C14orf39: variants seen among roughly 807,000 people sequenced by gnomAD.
C14orf39 encodes the protein protein SIX6OS1.
In C14orf39, 66 loss-of-function variants were observed where a neutral mutation model predicts 85.6. That is an observed-to-expected ratio of 0.77 (90% confidence interval 0.63 to 0.95). The LOEUF is 0.95. Among genes scored for constraint, C14orf39 ranks in the 40% least tolerant of loss-of-function variants. The probability of loss-of-function intolerance (pLI) is 0.00; values close to 1 mark genes in which losing one functional copy is unlikely to be tolerated. For synonymous variants in C14orf39, 242 were observed against 214.0 expected, an observed-to-expected ratio of 1.13 and a Z score of -1.14; for missense variants, 735 against 663.9, an observed-to-expected ratio of 1.11 and a Z score of -1.18.
At chr14:60,509,161 T>C (rs1319838602) in intron 1 of C14orf39, 2 of 558,840 alleles carry the variant, frequency 3.6e-6, no homozygotes, top group Non-Finnish European at 6.4e-6. Context: ...CGGAGCCAGC[T>C]CGCCTGCCGG....
intron 5 of C14orf39, among the ~76,000 whole-genome samples, chr14:60,477,151 C>T (rs920798795): frequency 6.6e-6 from 1 of 152,132 alleles, no homozygotes; most frequent in Non-Finnish European, 1.5e-5. Context: ...AATGACAAGA[C>T]AAGTCTCCTT....
intron 15 of C14orf39, 66 bp downstream of exon 15, chr14:60,456,851 C>A: frequency 7.4e-7 from 1 of 1,351,284 alleles, no homozygotes. Flanking sequence ...TTTTACTATT[C>A]CTATCAGTTA....
intron 1 of C14orf39, among the ~76,000 whole-genome samples, chr14:60,513,856 A>T (rs994378422): frequency 6.6e-6 from 1 of 152,222 alleles, no homozygotes; most frequent in African/African-American, 2.4e-5. Context: ...CCAAACAGTG[A>T]TGGAGCATTT....
intron 1 of C14orf39, among the ~76,000 whole-genome samples, chr14:60,501,779 G>A (rs965321564): frequency 4.6e-5 from 7 of 152,100 alleles, no homozygotes; most frequent in Non-Finnish European, 8.8e-5. Flanking sequence ...CCTAAGGCAG[G>A]CATCAAAAGA....
chr14:60,477,199 C>T (rs775064616), intron 5 of C14orf39, among the ~76,000 whole-genome samples: 3 of 152,096 alleles, frequency 2.0e-5, no homozygotes, highest in Non-Finnish European at 4.4e-5. Context: ...TAGATGATGG[C>T]GTACTCCAGC....
chr14:60,465,258 A>T (rs777722995), intron 11 of C14orf39, among the ~76,000 whole-genome samples: 10 of 152,106 alleles, frequency 6.6e-5, no homozygotes, highest in Non-Finnish European at 7.4e-5. Context: ...TACTTTGGTC[A>T]CCACTACCAG....
At chr14:60,469,810 A>T (rs1891984066) in intron 7 of C14orf39, among the ~76,000 whole-genome samples, 157 bp from the exon 8 acceptor site, 1 of 151,712 alleles carries the variant, frequency 6.6e-6, no homozygotes, top group Non-Finnish European at 1.5e-5. Context: ...CAGGAGAATA[A>T]TATAAACATT....
intron 1 of C14orf39, chr14:60,511,423 C>A: frequency 1.3e-6 from 1 of 772,228 alleles, no homozygotes; most frequent in Non-Finnish European, 2.2e-6. Context: ...GCCGGCCTGG[C>A]TTCACTGGCG....
chr14:60,460,449 T>A (rs1210795733), intron 13 of C14orf39, among the ~76,000 whole-genome samples: 1 of 151,946 alleles, frequency 6.6e-6, no homozygotes, highest in African/African-American at 2.4e-5. Context: ...ACTCATAGTA[T>A]ATTAACATTC....
At chr14:60,486,889 AAACT>A (rs924021363), upstream of C14orf39, among the ~76,000 whole-genome samples, 3 of 152,246 alleles carry the variant, frequency 2.0e-5, no homozygotes, top group East Asian at 1.9e-4. Context: ...ATATTCAACA[AAACT>A]AACATGTTTT....
At chr14:60,486,132 CAGATCGCGCTGAAGAGCAGCG>C (rs1311099262), upstream of C14orf39, 1 of 152,256 alleles carries the variant, frequency 6.6e-6, no homozygotes, top group African/African-American at 2.4e-5. Context: ...GCGGGAGCCG[CAGATCGCGCTGAAGAGCAGCG>C]AGATCGCGCT....
intron 1 of C14orf39, chr14:60,509,487 TG>T: frequency 6.2e-7 from 1 of 1,602,282 alleles, no homozygotes. Context: ...GTGGAGCGCC[TG>T]GGTCGCTTCC....
At chr14:60,465,538 C>G (rs932928669) in intron 11 of C14orf39, among the ~76,000 whole-genome samples, 6 of 152,070 alleles carry the variant, frequency 3.9e-5, no homozygotes, top group African/African-American at 7.2e-5. Context: ...GTTAAGTAAA[C>G]TAACTACCAC....
intron 1 of C14orf39, 57 bp downstream of exon 1, chr14:60,485,888 C>A (rs1453597878): frequency 2.0e-5 from 3 of 152,968 alleles, no homozygotes; most frequent in Admixed American, 6.5e-5. Context: ...ACACGCTCCC[C>A]CTCAGAGCCG....
chr14:60,494,837 G>C (rs1440342516), intron 2 of C14orf39: 1 of 153,160 alleles, frequency 6.5e-6, no homozygotes. Flanking sequence ...GGAGGTGCAA[G>C]GACCTTCAAG....
chr14:60,466,916 C>A lies in C14orf39; in HGVS notation c.895+1G>T. 6.8e-7 allele frequency: 1 copy of A among 1,478,012 alleles called. No homozygotes were observed. The allele number at this position is 1,478,012 out of a possible 1,614,324, so 91.6% of individuals were successfully genotyped here. On this transcript the variant is annotated splice_donor_variant, in intron 10 of 17. Coordinates refer to ENST00000321731, the MANE Select transcript of C14orf39 (RefSeq NM_174978.3). LOFTEE classifies it high-confidence loss of function. ...TTTTGAATAACAAACAGATATTATA[C>A]CTGCAACTCTTGGTTCTGAAGAATG...
At chr14:60,501,306 C>A (rs1295760369) in intron 1 of C14orf39, among the ~76,000 whole-genome samples, 1,292 of 105,392 alleles carry the variant, frequency 0.012, no homozygotes, top group Middle Eastern at 0.017. Context: ...ACCCTGTCTC[C>A]AAAAAAAAAA....
At chr14:60,468,407 C>T in intron 9 of C14orf39, 38 bp downstream of exon 9, 1 of 1,274,736 alleles carries the variant, frequency 7.8e-7, no homozygotes, top group Non-Finnish European at 1.1e-6. Flanking sequence ...TGCAAAATAT[C>T]TGTTCACATA....
chr14:60,481,678 A>T (rs1210649538), intron 4 of C14orf39, among the ~76,000 whole-genome samples: 1 of 152,140 alleles, frequency 6.6e-6, no homozygotes, highest in East Asian at 1.9e-4. Context: ...GCATTTAATT[A>T]TTGCTTTAAT....
Sources: allele counts gnomAD v4.1 joint callset (sites outside exome capture counted in the v4.1 genomes callset), GRCh38; gene constraint gnomAD v4.1.1; transcripts MANE v1.5; gene names NCBI Gene and HGNC (gene_info 2026-07-23, HGNC 2026-07-21).